Variants in PEPD observed in about 807,000 individuals in gnomAD.
The protein encoded by PEPD is peptidase D, also known as xaa-Pro dipeptidase.
A neutral mutation model predicts 60.7 loss-of-function variants in PEPD; 53 were observed. The ratio of observed to expected loss-of-function variants is 0.87; its 90% confidence interval spans 0.70 to 1.10. PEPD has a LOEUF of 1.10. PEPD is among the 50% of genes least tolerant of loss of function. PEPD has a pLI of 0.00. For missense variants in PEPD, 711 were observed against 711.9 expected (o/e 1.00, Z 0.01); for synonymous variants, 267 against 284.1 (o/e 0.94, Z 0.60).
chr19:33,430,149 C>T (rs1027836986), intron 9 of PEPD, among the ~76,000 whole-genome samples: 6 of 152,192 alleles, frequency 3.9e-5, no homozygotes, highest in Non-Finnish European at 7.3e-5. Context: ...CTCCCCCTCA[C>T]GGGATTAAAT....
chr19:33,414,612 G>A (rs1056963102), intron 9 of PEPD, among the ~76,000 whole-genome samples: 2 of 132,810 alleles, frequency 1.5e-5, no homozygotes, highest in African/African-American at 5.7e-5. Context: ...GACCAGGGCA[G>A]TCGTTGCGGC....
At chr19:33,433,928 G>T (rs1969323257) in intron 9 of PEPD, among the ~76,000 whole-genome samples, 1 of 152,140 alleles carries the variant, frequency 6.6e-6, no homozygotes, top group Non-Finnish European at 1.5e-5. Context: ...CAAAATATAT[G>T]CCAGTAAACC....
In PEPD at chr19:33,500,950, C is replaced by A. The variant is rs778473270; in HGVS notation, c.381G>T (p.Gln127His). Residue 127 changes from glutamine to histidine, a missense_variant, in exon 4 of 15, where the codon CAG becomes CAT. By Grantham distance (24) the Gln-to-His change is conservative. Coordinates refer to ENST00000244137, the MANE Select transcript of PEPD (RefSeq NM_000285.4). ...FKEKYAVDDV[Q>H]YVDEIASVLT... ...GCCGGCTACCCACCTCATCTACGTA[C>A]TGGACGTCGTCCACGGCATACTTCT... is the stretch of plus-strand genomic sequence containing the variant. 9 of 1,599,260 alleles carry A rather than the reference C, an allele frequency of 5.6e-6. No homozygotes were observed. The East Asian group carries it at 2.0e-4, about 36-fold the overall frequency.
chr19:33,437,767 G>A (rs1411762840), intron 9 of PEPD, among the ~76,000 whole-genome samples: 2 of 152,202 alleles, frequency 1.3e-5, no homozygotes, highest in South Asian at 2.1e-4. Flanking sequence ...ACTTGGGGGG[G>A]CGGTGGTGTC....
At chr19:33,395,623 T>C (rs891780140) in intron 12 of PEPD, among the ~76,000 whole-genome samples, 1 of 152,136 alleles carries the variant, frequency 6.6e-6, no homozygotes, top group Admixed American at 6.5e-5. Flanking sequence ...CTGCTGGGCC[T>C]AGGGCCCAGG....
chr19:33,506,584 A>G (rs571040516), intron 3 of PEPD, among the ~76,000 whole-genome samples: 2 of 142,544 alleles, frequency 1.4e-5, no homozygotes, highest in East Asian at 4.4e-4. Context: ...CACACCACAC[A>G]CACTCCCATC....
chr19:33,438,375 G>T (rs992725190), intron 9 of PEPD, among the ~76,000 whole-genome samples: 12 of 152,238 alleles, frequency 7.9e-5, no homozygotes, highest in African/African-American at 2.9e-4. Context: ...GCCAGACCAG[G>T]GTGACTCTTG....
intron 1 of PEPD, among the ~76,000 whole-genome samples, chr19:33,515,713 C>T (rs1384486478): frequency 6.6e-6 from 1 of 151,764 alleles, no homozygotes; most frequent in Non-Finnish European, 1.5e-5. Flanking sequence ...ATAGCATGAC[C>T]GGCCGAAAAT....
chr19:33,485,778 G>A (rs1042533924), intron 6 of PEPD, among the ~76,000 whole-genome samples: 5 of 152,044 alleles, frequency 3.3e-5, no homozygotes, highest in Admixed American at 6.6e-5. Flanking sequence ...AGTAAATGCC[G>A]AAAGATAAGA....
At chr19:33,448,538 T>C (rs939159074) in intron 9 of PEPD, among the ~76,000 whole-genome samples, 16 of 152,224 alleles carry the variant, frequency 1.1e-4, no homozygotes, top group Middle Eastern at 6.8e-3. Context: ...TCTTTTTTTT[T>C]CCCCAGAGCT....
intron 9 of PEPD, among the ~76,000 whole-genome samples, chr19:33,459,291 G>C (rs1179198523): frequency 1.3e-5 from 2 of 152,104 alleles, no homozygotes; most frequent in East Asian, 1.9e-4. Context: ...CAGAGAGAAA[G>C]AGCATAATTT....
intron 11 of PEPD, among the ~76,000 whole-genome samples, chr19:33,402,914 TA>T (rs953346955): frequency 6.6e-6 from 1 of 152,120 alleles, no homozygotes; most frequent in Non-Finnish European, 1.5e-5. Context: ...GGATGCCCTG[TA>T]AGAGGGACCC....
At chr19:33,517,903 G>A (rs1971053800) in intron 1 of PEPD, among the ~76,000 whole-genome samples, 1 of 151,438 alleles carries the variant, frequency 6.6e-6, no homozygotes, top group African/African-American at 2.4e-5. Context: ...GGAGGCGGAG[G>A]TTGCAGTGAG....
chr19:33,455,730 T>G (rs542288728), intron 9 of PEPD, among the ~76,000 whole-genome samples: 1 of 149,302 alleles, frequency 6.7e-6, no homozygotes, highest in Non-Finnish European at 1.5e-5. Context: ...CCCAGGCTGG[T>G]CTTGAACTCC....
chr19:33,490,078 C>T (rs771444629), intron 5 of PEPD, 21 bp from the exon 6 acceptor site: 3 of 1,598,404 alleles, frequency 1.9e-6, no homozygotes, highest in South Asian at 1.1e-5. Flanking sequence ...AGAACACAGA[C>T]ATGACACACG....
intron 12 of PEPD, among the ~76,000 whole-genome samples, chr19:33,399,435 C>T (rs990264358): frequency 1.3e-5 from 2 of 152,192 alleles, no homozygotes; most frequent in African/African-American, 2.4e-5. Context: ...ATCTGGGGTC[C>T]CCCTGCTTGC....
At chr19:33,504,974 T>C (rs1226296019) in intron 3 of PEPD, among the ~76,000 whole-genome samples, 1 of 151,726 alleles carries the variant, frequency 6.6e-6, no homozygotes, top group Non-Finnish European at 1.5e-5. Context: ...CCTTTCCCAG[T>C]CCCCGGAGTC....
At chr19:33,469,657 G>C (rs1568487479) in intron 7 of PEPD, among the ~76,000 whole-genome samples, 1 of 152,006 alleles carries the variant, frequency 6.6e-6, no homozygotes. Flanking sequence ...ACCAGCTCCT[G>C]CTAGAAGCTC....
chr19:33,390,949 C>T (rs900170775), intron 13 of PEPD, among the ~76,000 whole-genome samples: 13 of 152,122 alleles, frequency 8.5e-5, no homozygotes, highest in African/African-American at 2.9e-4. Flanking sequence ...AGGGGTGCCA[C>T]GTAGCTCCAT....
Sources: allele counts gnomAD v4.1 joint callset (sites outside exome capture counted in the v4.1 genomes callset), GRCh38; gene constraint gnomAD v4.1.1; transcripts MANE v1.5; gene names NCBI Gene and HGNC (gene_info 2026-07-23, HGNC 2026-07-21).